PIRT: variants seen among roughly 807,000 people sequenced by gnomAD.
PIRT encodes phosphoinositide interacting regulator of transient receptor potential channels, also known as phosphoinositide-interacting protein.
A neutral mutation model predicts 7.9 loss-of-function variants in PIRT; 6 were observed. The ratio of observed to expected loss-of-function variants is 0.76; its 90% CI spans 0.42 to 1.51. The LOEUF is 1.51. Among genes scored for constraint, PIRT ranks in the 40% most tolerant of loss-of-function variants. The pLI, the probability that PIRT is intolerant of heterozygous loss-of-function variation, is 0.01. For synonymous variants in PIRT, 78 were observed against 71.8 expected (o/e 1.09, Z -0.44); for missense variants, 170 against 172.9 (o/e 0.98, Z 0.09).
intron 1 of PIRT, among the ~76,000 whole-genome samples, chr17:10,829,848 G>A (rs1905419672): frequency 6.6e-6 from 1 of 152,180 alleles, no homozygotes; most frequent in South Asian, 2.1e-4. Context: ...ATGGAGTGGA[G>A]TCCTTCCTTG....
At chr17:10,835,929 G>A (rs117113417) in intron 1 of PIRT, among the ~76,000 whole-genome samples, 5,692 of 149,460 alleles carry the variant, frequency 0.038, 153 homozygotes, top group Non-Finnish European at 0.055. Flanking sequence ...TTGAGATGGA[G>A]TTTCGCTCTT....
At chr17:10,831,763 G>T (rs1432211297) in intron 1 of PIRT, among the ~76,000 whole-genome samples, 3 of 152,354 alleles carry the variant, frequency 2.0e-5, no homozygotes, top group Non-Finnish European at 2.9e-5. Flanking sequence ...CCCAGACTGG[G>T]CAAGGACTGA....
At chr17:10,837,444 A>G (rs1905618624) in intron 1 of PIRT, among the ~76,000 whole-genome samples, 2 of 152,202 alleles carry the variant, frequency 1.3e-5, no homozygotes, top group African/African-American at 4.8e-5. Context: ...CCACAGCTGC[A>G]GGAGGAAGAC....
At chr17:10,831,785 G>A (rs895795915) in intron 1 of PIRT, among the ~76,000 whole-genome samples, 4 of 152,222 alleles carry the variant, frequency 2.6e-5, no homozygotes, top group African/African-American at 9.6e-5. Context: ...GCCCCAGAGA[G>A]GATGGGCCTA....
At chr17:10,826,582 A>G (rs79597604) in intron 1 of PIRT, among the ~76,000 whole-genome samples, 3 of 152,238 alleles carry the variant, frequency 2.0e-5, no homozygotes, top group African/African-American at 7.2e-5. Context: ...TTGAAACCTG[A>G]CAATAAACCT....
chr17:10,835,155 T>C (rs1905557177), intron 1 of PIRT, among the ~76,000 whole-genome samples: 1 of 152,212 alleles, frequency 6.6e-6, no homozygotes, highest in South Asian at 2.1e-4. Context: ...GGCTTCCTTC[T>C]GCTGGCCGAA....
chr17:10,825,094 C>G lies in PIRT; in HGVS notation c.*138G>C. ...GCTGCATGGAGGGTGGAGCCCCAAG[C>G]TCTATCTTCCCCACAGGGTCAGGAA... is the stretch of plus-strand genomic sequence containing the variant. On this transcript the variant is annotated 3_prime_UTR_variant, in exon 2 of 2. Transcript: ENST00000580256. 8.6e-7 allele frequency: 1 copy of G among 1,162,224 alleles called. No homozygotes were observed. Among genetic ancestry groups the G allele is most frequent in the South Asian group, 1.6e-5 (1 of 61,890 alleles). The allele number at this position is 1,162,224 out of a possible 1,614,324, so 72.0% of individuals were successfully genotyped here. A position where few individuals can be genotyped will look rare whatever the true frequency, so the allele number is the denominator to read the frequency against.
At position 10,825,508 on chromosome 17, in the gene PIRT, C is replaced by T. The variant is rs1403056030; in HGVS notation, c.138G>A (p.Arg46=). The T allele has an allele frequency of 2.5e-6, 4 of 1,613,540 alleles. No homozygotes were observed. The highest frequency in any genetic ancestry group is 1.7e-5 in the Admixed American group (1 of 59,952). ...GCTTGCGGTAGATTTCCCAGTTACT[C>T]CTGGGGGTGGTGGTCCAGACAGACT... is the stretch of plus-strand genomic sequence containing the variant. ...RSESVWTTTP[R]SNWEIYRKPI... Residue 46 remains arginine, a synonymous_variant, in exon 2 of 2, where the codon AGG becomes AGA. Transcript: ENST00000580256.
chr17:10,836,887 G>A (rs1225070560), intron 1 of PIRT, among the ~76,000 whole-genome samples: 4 of 152,140 alleles, frequency 2.6e-5, no homozygotes, highest in Admixed American at 2.0e-4. Flanking sequence ...TTTCCCTCAC[G>A]GAGTCCCCAT....
rs1009028659 is a variant in PIRT, at chr17:10,823,087, C to T, written c.*2145G>A. On this transcript the variant is annotated 3_prime_UTR_variant, in exon 2 of 2. Coordinates refer to ENST00000580256, the MANE Select transcript of PIRT (RefSeq NM_001101387.2). The stretch of plus-strand genomic sequence containing the variant: ...TTCCAGTGAGTGATCTGGGGCCCAT[C>T]CCATTTGCTCCCATTTAAGAATGCA... The T allele has an allele frequency of 6.6e-6, 1 of 152,156 alleles. No individual in the cohort carries two copies. The highest frequency in any genetic ancestry group is 1.9e-4 in the East Asian group (1 of 5,192). 9.4% of individuals were successfully genotyped at this position (152,156 alleles called of 1,614,324 possible).
At chr17:10,834,178 T>G (rs566563643) in intron 1 of PIRT, among the ~76,000 whole-genome samples, 4 of 148,620 alleles carry the variant, frequency 2.7e-5, no homozygotes, top group African/African-American at 5.0e-5. Context: ...ATAGCAAAAA[T>G]AAAAAAGAAA....
At chr17:10,836,075 G>C (rs1905583588) in intron 1 of PIRT, among the ~76,000 whole-genome samples, 1 of 152,022 alleles carries the variant, frequency 6.6e-6, no homozygotes, top group Admixed American at 6.6e-5. Flanking sequence ...CCTAATTTTT[G>C]AATTTTTAGT....
intron 1 of PIRT, among the ~76,000 whole-genome samples, chr17:10,831,089 A>T (rs1243360089): frequency 6.6e-6 from 1 of 152,216 alleles, no homozygotes; most frequent in East Asian, 1.9e-4. Context: ...GGGCTTCCTC[A>T]TCTTCTACCC....
intron 1 of PIRT, among the ~76,000 whole-genome samples, chr17:10,830,838 G>T (rs1905446302): frequency 6.6e-6 from 1 of 152,150 alleles, no homozygotes. Flanking sequence ...TTGGAAAATG[G>T]ATTGCTGTGG....
chr17:10,828,573 T>C (rs1011160733), intron 1 of PIRT, among the ~76,000 whole-genome samples: 1 of 152,134 alleles, frequency 6.6e-6, no homozygotes, highest in Non-Finnish European at 1.5e-5. Flanking sequence ...CCATGAAACC[T>C]TGGTCAAGAG....
intron 1 of PIRT, among the ~76,000 whole-genome samples, chr17:10,832,123 C>G (rs1223909385): frequency 6.6e-6 from 1 of 152,176 alleles, no homozygotes; most frequent in African/African-American, 2.4e-5. Flanking sequence ...GCTATGAGAG[C>G]TTAGGATAGT....
At chr17:10,827,912 G>T (rs190441440) in intron 1 of PIRT, among the ~76,000 whole-genome samples, 5 of 152,284 alleles carry the variant, frequency 3.3e-5, no homozygotes, top group Non-Finnish European at 4.4e-5. Context: ...GAGAGCCCAG[G>T]TTCCCTGCCT....
chr17:10,834,005 G>A (rs769281229), intron 1 of PIRT, among the ~76,000 whole-genome samples: 3 of 152,038 alleles, frequency 2.0e-5, no homozygotes, highest in Non-Finnish European at 2.9e-5. Context: ...GGAACAACCC[G>A]AGCTGGTGGG....
At chr17:10,829,258 C>T (rs1167458991) in intron 1 of PIRT, among the ~76,000 whole-genome samples, 1 of 152,104 alleles carries the variant, frequency 6.6e-6, no homozygotes, top group Non-Finnish European at 1.5e-5. Context: ...GAATTAAATG[C>T]AGTGATTCTC....
Sources: allele counts gnomAD v4.1 joint callset (sites outside exome capture counted in the v4.1 genomes callset), GRCh38; gene constraint gnomAD v4.1.1; transcripts MANE v1.5; gene names NCBI Gene and HGNC (gene_info 2026-07-23, HGNC 2026-07-21).